The following LRP1 variants were observed in gnomAD, a reference collection of about 807,000 sequenced individuals.
The protein encoded by LRP1 is prolow-density lipoprotein receptor-related protein 1.
LRP1 carries 51 observed loss-of-function variants against 541.5 expected under a neutral mutation model. The ratio of observed to expected loss-of-function variants is 0.09; its 90% CI spans 0.08 to 0.12. The LOEUF (loss-of-function observed/expected upper bound fraction) is 0.12, where lower values mean the gene tolerates loss of function less well. Ranked by LOEUF, LRP1 falls within the 10% of genes least tolerant of loss-of-function variation. LRP1 has a pLI of 1.00. For missense variants in LRP1, 3,878 were observed against 6,376.2 expected (o/e 0.61, Z 13.34); for synonymous variants, 2,219 against 2,470.8 (o/e 0.90, Z 3.02).
intron 61 of LRP1, 47 bp downstream of exon 61, chr12:57,199,447 G>T: frequency 6.4e-7 from 1 of 1,572,858 alleles, no homozygotes. Context: ...GCCAGGCACC[G>T]GGGTCCCTGG....
intron 8 of LRP1, chr12:57,155,607 CAGAAT>C (rs1223029500): frequency 6.5e-6 from 1 of 154,144 alleles, no homozygotes; most frequent in Non-Finnish European, 1.4e-5. Context: ...CAAAAATCTT[CAGAAT>C]AGGTTAGTCC....
Position 57,184,366 on chromosome 12 carries a change from G to A in LRP1, c.6100G>A (p.Glu2034Lys), listed in dbSNP as rs1555185429. 1.2e-6 allele frequency: 2 copies of A among 1,614,234 alleles called. No individual in the cohort carries two copies. Among genetic ancestry groups the A allele is most frequent in the Non-Finnish European group, 1.7e-6 (2 of 1,180,052 alleles). Residue 2034 changes from glutamate (E) to lysine (K), a missense_variant, in exon 38 of 89, where the codon GAG becomes AAG. By Grantham distance (56) the Glu-to-Lys change is moderately conservative. Coordinates refer to ENST00000243077, the MANE Select transcript of LRP1 (RefSeq NM_002332.3). This position sits in a 1 kb window ranked among gnomAD's most constrained non-coding sequence, Gnocchi z 7.8. The part of the protein sequence containing the change: ...WTEWGQYPRI[E>K]RSRLDGTERV... ...TGAGTGGGGTCAGTATCCGCGTATT[G>A]AGCGGTCTCGGCTAGATGGCACGGA...
At position 57,211,035 on chromosome 12, in the gene LRP1, C is replaced by T; in HGVS notation, c.12917-141C>T. ...GCCAGGCCCAAGCTGCTGGCGCTTCCCCACAAAGGTGCTGGCACACTTCCC... is the reference window on the plus strand; with the variant it reads ...GCCAGGCCCAAGCTGCTGGCGCTTCTCCACAAAGGTGCTGGCACACTTCCC... On this transcript the variant is annotated intron_variant, in intron 83 of 88. Transcript: ENST00000243077. This position sits in a 1 kb window ranked among gnomAD's most constrained non-coding sequence, Gnocchi z 4.3. The T allele has an allele frequency of 1.5e-6, 2 of 1,367,728 alleles. No individual in the cohort carries two copies. Among genetic ancestry groups the T allele is most frequent in the Non-Finnish European group, 2.0e-6 (2 of 1,004,082 alleles). The allele number at this position is 1,367,728 out of a possible 1,614,324, so 84.7% of individuals were successfully genotyped here. A position where few individuals can be genotyped will look rare whatever the true frequency, so the allele number is the denominator to read the frequency against.
In LRP1 at chr12:57,154,952, A is replaced by G; in HGVS notation, c.1227+251A>G. ...ACTTCCTGTTTCTCATTTGACCCTT[A>G]TAATAACCCCTAGCTGATGAACAGG... On this transcript the variant is annotated intron_variant, in intron 8 of 88. Transcript: ENST00000243077. This position sits in a 1 kb window ranked among gnomAD's most constrained non-coding sequence, Gnocchi z 4.6. 3.3e-6 allele frequency: 2 copies of G among 600,564 alleles called. No individual in the cohort carries two copies. The highest frequency in any genetic ancestry group is 5.9e-6 in the Non-Finnish European group (2 of 337,256). The allele number at this position is 600,564 out of a possible 1,614,324, so 37.2% of individuals were successfully genotyped here.
At chr12:57,129,381 C>T (rs1246434078) in intron 1 of LRP1, among the ~76,000 whole-genome samples, 2 of 152,150 alleles carry the variant, frequency 1.3e-5, no homozygotes, top group Admixed American at 6.5e-5. Context: ...CCCCCACCCC[C>T]CATCTGAATT....
chr12:57,171,569 C>T (rs1279982008), intron 20 of LRP1, among the ~76,000 whole-genome samples: 1 of 152,148 alleles, frequency 6.6e-6, no homozygotes, highest in African/African-American at 2.4e-5. Flanking sequence ...TTGGGAGGCA[C>T]TGGGAACCTT....
Position 57,194,159 on chromosome 12 carries a change from C to T in LRP1, c.7918+147C>T. 7.1e-6 allele frequency: 7 copies of T among 991,836 alleles called. No homozygotes were observed. In the South Asian group the frequency reaches 1.1e-4, roughly 16 times the overall value. 61.4% of individuals were successfully genotyped at this position (991,836 alleles called of 1,614,324 possible). ...GCCTCCATCTCCCTGAGGCCCTGTC[C>T]CCATCCCGCTCCTGCTCCTGGGCTC... is the stretch of plus-strand genomic sequence containing the variant. On this transcript the variant is annotated intron_variant, in intron 48 of 88. Transcript: ENST00000243077.
Position 57,177,310 on chromosome 12 carries a change from A to G in LRP1, c.4196+65A>G. 6.3e-7 allele frequency: 1 copy of G among 1,589,452 alleles called. No individual in the cohort carries two copies. The highest frequency in any genetic ancestry group is 8.6e-7 in the Non-Finnish European group (1 of 1,161,962). On this transcript the variant is annotated intron_variant, in intron 25 of 88. Transcript: ENST00000243077. This position sits in a 1 kb window ranked among gnomAD's most constrained non-coding sequence, Gnocchi z 6.8. ...CCCTGAAGTCCCATTCAGCCTGGCC[A>G]GGGACACCTTACTCCTCAGTGCCAT...
At chr12:57,202,561 C>CCCCCCCAGA in intron 68 of LRP1, 24 bp downstream of exon 68, 1 of 1,510,870 alleles carries the variant, frequency 6.6e-7, no homozygotes, top group Non-Finnish European at 9.0e-7. Flanking sequence ...CACCCAGCCC[C>CCCCCCCAGA]GCATGAGCCC....
intron 6 of LRP1, among the ~76,000 whole-genome samples, chr12:57,151,311 TG>T (rs1370443544): frequency 6.6e-6 from 1 of 152,200 alleles, no homozygotes; most frequent in African/African-American, 2.4e-5. Flanking sequence ...GAAAGTCCTC[TG>T]TGCCATAATG....
Position 57,183,751 on chromosome 12 carries a change from C to G in LRP1, c.5795-24C>G, listed in dbSNP as rs1265989323. 6.2e-7 allele frequency: 1 copy of G among 1,613,288 alleles called. No homozygotes were observed. Among genetic ancestry groups the G allele is most frequent in the African/African-American group, 1.3e-5 (1 of 75,058 alleles). ...CTTACCCCTGCCTTATTGGGCATCC[C>G]CATGTCACCTCCTCCACCTCCAGAA... On this transcript the variant is annotated intron_variant, in intron 35 of 88. Transcript: ENST00000243077. This position sits in a 1 kb window ranked among gnomAD's most constrained non-coding sequence, Gnocchi z 6.1.
At chr12:57,132,371 C>T (rs2035054833) in intron 1 of LRP1, among the ~76,000 whole-genome samples, 1 of 152,134 alleles carries the variant, frequency 6.6e-6, no homozygotes, top group Non-Finnish European at 1.5e-5. Flanking sequence ...GGCTGAAGAG[C>T]TCCATTTTCC....
intron 31 of LRP1, 40 bp from the exon 32 acceptor site, chr12:57,180,290 C>G: frequency 6.2e-7 from 1 of 1,610,496 alleles, no homozygotes. Flanking sequence ...GATCCCCAGC[C>G]CTGGGCCAGA....
chr12:57,190,480 T>C (rs1011341564), intron 42 of LRP1, among the ~76,000 whole-genome samples: 9 of 152,200 alleles, frequency 5.9e-5, no homozygotes, highest in Non-Finnish European at 1.3e-4. Flanking sequence ...TGGTGGGTGG[T>C]GGAGCCAGGG....
rs1555188032 is a variant in LRP1, at chr12:57,204,523, G to C, written c.11065G>C (p.Glu3689Gln). Residue 3689 changes from glutamate (E) to glutamine (Q), a missense_variant, in exon 71 of 89, where the codon GAG becomes CAG. Physicochemically the swap from Glu to Gln is conservative, Grantham distance 29. Transcript: ENST00000243077. The surrounding 1 kb of genome is among the most constrained non-coding windows in gnomAD (Gnocchi z 5.3). ...GGACAACTCAGATGAGAACCCCGAG[G>C]AGTGTGGTGAGATTTGGGGCGGGGC... ...CGDNSDENPE[E>Q]CARFVCPPNR... is the part of the protein sequence containing the mutation. The C allele has an allele frequency of 6.2e-7, 1 of 1,603,666 alleles. No homozygotes were observed. The highest frequency in any genetic ancestry group is 1.3e-5 in the African/African-American group (1 of 74,772).
At position 57,201,580 on chromosome 12, in the gene LRP1, A is replaced by G; in HGVS notation, c.10429A>G (p.Asn3477Asp). 1.2e-6 allele frequency: 2 copies of G among 1,614,058 alleles called. No homozygotes were observed. Among genetic ancestry groups the G allele is most frequent in the South Asian group, 2.2e-5 (2 of 91,088 alleles). Residue 3477 changes from asparagine to aspartate, a missense_variant, in exon 66 of 89, where the codon AAT becomes GAT. Physicochemically the swap from Asn to Asp is conservative, Grantham distance 23 (BLOSUM62 1). Transcript: ENST00000243077. This position sits in a 1 kb window ranked among gnomAD's most constrained non-coding sequence, Gnocchi z 6.4. ...IPRVWVCDRD[N>D]DCVDGSDEPA... The stretch of plus-strand genomic sequence containing the variant: ...CCGGGTCTGGGTCTGCGACCGGGAC[A>G]ATGACTGTGTGGATGGCAGTGATGA...
At chr12:57,152,137 G>A (rs1250314009) in intron 6 of LRP1, among the ~76,000 whole-genome samples, 1 of 152,102 alleles carries the variant, frequency 6.6e-6, no homozygotes, top group Admixed American at 6.5e-5. Context: ...GGCTGGGGGG[G>A]CTGATTGTGG....
chr12:57,205,833 C>A lies in LRP1; in HGVS notation c.11590+156C>A. 1 of 1,175,828 alleles carries A rather than the reference C, an allele frequency of 8.5e-7. No homozygotes were observed. The highest frequency in any genetic ancestry group is 1.5e-5 in the African/African-American group (1 of 64,916). 72.8% of individuals were successfully genotyped at this position (1,175,828 alleles called of 1,614,324 possible). On this transcript the variant is annotated intron_variant, in intron 75 of 88. Transcript: ENST00000243077. This position sits in a 1 kb window ranked among gnomAD's most constrained non-coding sequence, Gnocchi z 4.6. ...GCAGCTGCCTGAGCACAGTGCTGGC[C>A]CAGCAGTGGGGGCAGGTCCTGGGGC...
In LRP1 at chr12:57,191,286, C is replaced by T. The variant is rs372784768; in HGVS notation, c.7237-34C>T. 21 of 1,563,136 alleles carry T rather than the reference C, an allele frequency of 1.3e-5. No individual in the cohort carries two copies. In the East Asian group the frequency reaches 1.8e-4, roughly 14 times the overall value. On this transcript the variant is annotated intron_variant, in intron 43 of 88. Coordinates refer to ENST00000243077, the MANE Select transcript of LRP1 (RefSeq NM_002332.3). ...GTGGAGACTGGGCAAGAGGCCTGAGCGATGCTGTGACGGTGATGGTGCTGT... is the reference window on the plus strand; with the variant it reads ...GTGGAGACTGGGCAAGAGGCCTGAGTGATGCTGTGACGGTGATGGTGCTGT...
Sources: gnomAD v4.1 joint callset for allele counts (sites outside exome capture counted in the v4.1 genomes callset) on GRCh38, gnomAD v4.1.1 for gene constraint, Gnocchi (gnomAD v3.1) non-coding constraint, MANE v1.5 for transcripts, NCBI Gene and HGNC (gene_info 2026-07-23, HGNC 2026-07-21) for gene names.